The following FAM78B variants were observed in gnomAD, a reference collection of about 807,000 sequenced individuals.
The protein encoded by FAM78B is family with sequence similarity 78 member B.
FAM78B carries 10 observed loss-of-function variants against 20.0 expected under a neutral mutation model. That is an observed-to-expected ratio of 0.50 (90% CI 0.31 to 0.85). FAM78B has a LOEUF of 0.85. Ranked by LOEUF, FAM78B falls within the 40% of genes least tolerant of loss-of-function variation. FAM78B has a pLI of 0.05. For synonymous variants in FAM78B, 135 were observed against 132.8 expected, an observed-to-expected ratio of 1.02 and a Z score of -0.12; for missense variants, 283 against 345.0, an observed-to-expected ratio of 0.82 and a Z score of 1.42.
chr1:166,062,601 G>A lies in FAM78B; in HGVS notation c.*410-1938C>T, dbSNP rs558419309. 4.6e-5 allele frequency among the ~76,000 whole-genome samples: 7 copies of A among 152,344 alleles called. No individual in the cohort carries two copies. In the South Asian group the frequency reaches 1.2e-3, roughly 27 times the overall value. On this transcript the variant is annotated intron_variant and NMD_transcript_variant, in intron 2 of 2. Coordinates refer to the FAM78B transcript ENST00000435676. ...AGTTCCCTGATGCATGTGCATGTGC[G>A]TGTACAAAGAAATGGGTGGCGTAGC...
chr1:166,157,760 T>C lies in FAM78B; in HGVS notation c.263+8226A>G, dbSNP rs563278962. ...ATCCATATCCAGTACCTGGGTAGTC[T>C]GGGTGACTGTCTGCTGGGGCCCAGG... On this transcript the variant is annotated intron_variant, in intron 1 of 1. Transcript: ENST00000354422. Among the ~76,000 whole-genome samples, 23 of 152,316 alleles carry C rather than the reference T, an allele frequency of 1.5e-4. No individual in the cohort carries two copies. The East Asian group carries it at 4.2e-3, about 28-fold the overall frequency.
At position 166,109,814 on chromosome 1, in the gene FAM78B, GTATATATATATATATA is replaced by G. The variant is rs201957585; in HGVS notation, c.264-39067_264-39052del. 1.6e-3 allele frequency among the ~76,000 whole-genome samples: 53 copies of G among 32,616 alleles called. 3 individuals are homozygous for G. The highest frequency in any genetic ancestry group is 4.7e-3 in the African/African-American group (48 of 10,176). 21.4% of individuals were successfully genotyped at this position (32,616 alleles called of 152,430 possible). ...GAAACTGTGATATATATGTATATAT[GTATATATATATATATA>G]TGTATATATGTATATATATATATAT... is the stretch of plus-strand genomic sequence containing the variant. On this transcript the variant is annotated intron_variant, in intron 1 of 1. Coordinates refer to ENST00000354422, the MANE Select transcript of FAM78B (RefSeq NM_001017961.5).
rs1288342211 is a variant in FAM78B at position 166,166,539 on chromosome 1, C to T, written c.-291G>A. ...CGGGTGCCCTCGCCGGCTCCAGCGCCCGGGCGGAGGGCAGGGAGGGGAGCG... is the reference window on the plus strand; with the variant it reads ...CGGGTGCCCTCGCCGGCTCCAGCGCTCGGGCGGAGGGCAGGGAGGGGAGCG... On this transcript the variant is annotated 5_prime_UTR_variant, in exon 1 of 2. Coordinates refer to ENST00000354422, the MANE Select transcript of FAM78B (RefSeq NM_001017961.5). The T allele has an allele frequency of 6.6e-6, 1 of 151,490 alleles. No homozygotes were observed. Among genetic ancestry groups the T allele is most frequent in the African/African-American group, 2.4e-5 (1 of 41,212 alleles). 9.4% of individuals were successfully genotyped at this position (151,490 alleles called of 1,614,324 possible).
chr1:166,114,558 G>T (rs1654187145), intron 1 of FAM78B, among the ~76,000 whole-genome samples: 1 of 152,312 alleles, frequency 6.6e-6, no homozygotes, highest in Admixed American at 6.5e-5. Flanking sequence ...TGCACTGCAA[G>T]CAAGAAAACT....
intron 1 of FAM78B, chr1:166,164,765 C>A (rs1656294795): frequency 6.6e-6 from 1 of 152,162 alleles, no homozygotes; most frequent in Non-Finnish European, 1.5e-5. Flanking sequence ...CTCCCCCACC[C>A]CATATCCATA....
At chr1:166,125,431 A>G (rs1311482349) in intron 1 of FAM78B, among the ~76,000 whole-genome samples, 1 of 152,196 alleles carries the variant, frequency 6.6e-6, no homozygotes, top group African/African-American at 2.4e-5. Context: ...GCCAGTCATT[A>G]AACACGGTCC....
At position 166,101,372 on chromosome 1, in the gene FAM78B, C is replaced by T. The variant is rs1653507293; in HGVS notation, c.264-30609G>A. ...TTGAGGAGTTGAGAGAAGAAGGCTT[C>T]AGACAATCAAACTTCTCCGAGCTAA... On this transcript the variant is annotated intron_variant, in intron 1 of 1. Coordinates refer to ENST00000354422, the MANE Select transcript of FAM78B (RefSeq NM_001017961.5). 1.3e-5 allele frequency among the ~76,000 whole-genome samples: 2 copies of T among 152,148 alleles called. 1 individual carries two copies. Among genetic ancestry groups the T allele is most frequent in the South Asian group, 4.1e-4 (2 of 4,826 alleles).
chr1:166,123,516 A>G (rs537723082), intron 1 of FAM78B, among the ~76,000 whole-genome samples: 20 of 152,368 alleles, frequency 1.3e-4, no homozygotes, highest in African/African-American at 4.6e-4. Flanking sequence ...TAAAACACAC[A>G]ACGACCCCAA....
downstream of FAM78B, among the ~76,000 whole-genome samples, chr1:166,065,083 G>A (rs1240921900): frequency 6.6e-6 from 1 of 152,158 alleles, no homozygotes; most frequent in Non-Finnish European, 1.5e-5. Context: ...AGCTTATTCT[G>A]TCTGGTTAAA....
chr1:166,153,481 C>T (rs1458990287), intron 1 of FAM78B, among the ~76,000 whole-genome samples: 2 of 152,202 alleles, frequency 1.3e-5, no homozygotes, highest in East Asian at 1.9e-4. Flanking sequence ...CAGGGCCAAT[C>T]GATCAGACAG....
At chr1:166,163,617 A>T (rs75349789) in intron 1 of FAM78B, among the ~76,000 whole-genome samples, 2,425 of 152,362 alleles carry the variant, frequency 0.016, 67 homozygotes, top group African/African-American at 0.055. Context: ...GATATTGGCT[A>T]AAGTAGACAT....
intron 1 of FAM78B, among the ~76,000 whole-genome samples, chr1:166,081,837 C>T (rs997652085): frequency 6.6e-6 from 1 of 152,170 alleles, no homozygotes; most frequent in Non-Finnish European, 1.5e-5. Context: ...GAGGGGGAAT[C>T]GATGTGGGCA....
intron 1 of FAM78B, among the ~76,000 whole-genome samples, chr1:166,129,788 C>G (rs1654805680): frequency 6.6e-6 from 1 of 151,878 alleles, no homozygotes; most frequent in African/African-American, 2.4e-5. Context: ...TCACTCTATT[C>G]AGGTCCCCAA....
Position 166,133,648 on chromosome 1 carries a change from T to C in FAM78B, c.263+32338A>G, listed in dbSNP as rs61835123. On this transcript the variant is annotated intron_variant, in intron 1 of 1. Transcript: ENST00000354422. ...ATATAATGTGAAATAGTGAATCTGA[T>C]TTTTGGTGGTTAGAAATGTATTCCA... 4.8e-3 allele frequency among the ~76,000 whole-genome samples: 737 copies of C among 152,064 alleles called. 3 individuals are homozygous for C. Among genetic ancestry groups the C allele is most frequent in the Non-Finnish European group, 7.4e-3 (505 of 67,964 alleles).
chr1:166,153,135 CG>C (rs1366254095), intron 1 of FAM78B, among the ~76,000 whole-genome samples: 1 of 152,136 alleles, frequency 6.6e-6, no homozygotes, highest in African/African-American at 2.4e-5. Flanking sequence ...TTGGAGGCAA[CG>C]TGGAAGACAG....
intron 1 of FAM78B, among the ~76,000 whole-genome samples, chr1:166,096,950 G>A (rs1436374558): frequency 6.6e-6 from 1 of 152,190 alleles, no homozygotes; most frequent in African/African-American, 2.4e-5. Context: ...TCGACTGCAA[G>A]AACAAACCAG....
chr1:166,127,672 G>A (rs572679928), intron 1 of FAM78B, among the ~76,000 whole-genome samples: 3 of 152,302 alleles, frequency 2.0e-5, no homozygotes, highest in African/African-American at 7.2e-5. Flanking sequence ...AACAGATGTT[G>A]GTAAAGGAAA....
At chr1:166,146,165 G>C (rs565696108) in intron 1 of FAM78B, among the ~76,000 whole-genome samples, 5 of 152,296 alleles carry the variant, frequency 3.3e-5, no homozygotes, top group East Asian at 1.9e-4. Flanking sequence ...GGACAATTCA[G>C]GGGGATGCTT....
chr1:166,056,463 C>T (rs889232417), downstream of FAM78B, among the ~76,000 whole-genome samples: 1 of 152,128 alleles, frequency 6.6e-6, no homozygotes, highest in African/African-American at 2.4e-5. Context: ...TCCTGTCAAC[C>T]TCCATAGTTT....
Sources: allele counts gnomAD v4.1 joint callset (sites outside exome capture counted in the v4.1 genomes callset), GRCh38; gene constraint gnomAD v4.1.1; transcripts MANE v1.5; gene names NCBI Gene and HGNC (gene_info 2026-07-23, HGNC 2026-07-21).